PCDH11Y: variants seen among roughly 807,000 people sequenced by gnomAD.
PCDH11Y encodes the protein protocadherin 11 Y-linked.
For missense variants in PCDH11Y, 12 were observed against 224.8 expected, an observed-to-expected ratio of 0.05 and a Z score of 6.05; for synonymous variants, 9 against 83.6, an observed-to-expected ratio of 0.11 and a Z score of 4.87.
chrY:5,637,201 T>C (rs2124704533), intron 4 of PCDH11Y, among the ~76,000 whole-genome samples: 1 of 33,813 alleles, frequency 3.0e-5, no homozygotes, highest in African/African-American at 1.1e-4. Context: ...TGCTCTAAGA[T>C]GATAGATTAA....
chrY:5,179,008 TC>T (rs2052896817), intron 2 of PCDH11Y, among the ~76,000 whole-genome samples: 1 of 33,506 alleles, frequency 3.0e-5, no homozygotes, highest in South Asian at 6.7e-4. Context: ...GTACCACATT[TC>T]CTTTATCCAG....
intron 1 of PCDH11Y, among the ~76,000 whole-genome samples, chrY:5,082,182 T>C (rs2052721759): frequency 3.0e-5 from 1 of 33,619 alleles, no homozygotes; most frequent in Non-Finnish European, 7.4e-5. Context: ...TATTTATTTG[T>C]GTATGTTGAA....
intron 2 of PCDH11Y, among the ~76,000 whole-genome samples, chrY:5,139,730 A>G: frequency 4.6e-5 from 1 of 21,828 alleles, no homozygotes; most frequent in South Asian, 1.3e-3. Context: ...ACTACAAAAC[A>G]CTGCTGAAAG....
At chrY:5,585,420 T>G in intron 4 of PCDH11Y, among the ~76,000 whole-genome samples, 1 of 33,655 alleles carries the variant, frequency 3.0e-5, no homozygotes, top group Non-Finnish European at 7.4e-5. Context: ...TTTGCCACTT[T>G]TTAATGGAGT....
In PCDH11Y at chrY:5,414,002, G is replaced by T. The variant is rs2053250790; in HGVS notation, c.3130-87055G>T. On this transcript the variant is annotated intron_variant, in intron 2 of 4. Coordinates refer to the PCDH11Y transcript ENST00000400457. ...AATTTTCTCTTTTTTTCTTTATCTA[G>T]CTAGCAGTCTATCTGTCTTATTAAT... 1.5e-3 allele frequency among the ~76,000 whole-genome samples: 48 copies of T among 32,594 alleles called. No homozygotes were observed. The South Asian group carries it at 0.027, about 19-fold the overall frequency. The allele number at this position is 32,594 out of a possible 37,273, so 87.4% of individuals were successfully genotyped here. A position where few individuals can be genotyped will look rare whatever the true frequency, so the allele number is the denominator to read the frequency against.
chrY:5,264,072 A>G (rs2124658529), intron 2 of PCDH11Y, among the ~76,000 whole-genome samples: 1 of 31,904 alleles, frequency 3.1e-5, no homozygotes, highest in Non-Finnish European at 7.7e-5. Flanking sequence ...CCACCAGCCC[A>G]CAGGGATTTC....
chrY:5,162,348 A>C, intron 2 of PCDH11Y, among the ~76,000 whole-genome samples: 1 of 32,736 alleles, frequency 3.1e-5, no homozygotes, highest in Non-Finnish European at 7.5e-5. Context: ...AAATAACAAA[A>C]AGAAGGCCTG....
chrY:5,445,450 CTCTTCT>C (rs2053286807), intron 2 of PCDH11Y, among the ~76,000 whole-genome samples: 1 of 27,100 alleles, frequency 3.7e-5, no homozygotes, highest in African/African-American at 1.5e-4. Context: ...CTTCCTCTTC[CTCTTCT>C]TCTTCTTCTT....
intron 2 of PCDH11Y, among the ~76,000 whole-genome samples, chrY:5,426,149 G>T (rs2053263039): frequency 3.0e-5 from 1 of 33,164 alleles, no homozygotes; most frequent in Non-Finnish European, 7.5e-5. Context: ...AATAGAAGAG[G>T]ATAGTTTCTC....
intron 2 of PCDH11Y, among the ~76,000 whole-genome samples, chrY:5,114,358 G>A (rs2124639176): frequency 3.1e-5 from 1 of 31,807 alleles, no homozygotes; most frequent in African/African-American, 1.2e-4. Flanking sequence ...CCATAAATCT[G>A]CACAATTTAC....
At chrY:5,085,204 C>T in intron 1 of PCDH11Y, among the ~76,000 whole-genome samples, 1 of 32,759 alleles carries the variant, frequency 3.1e-5, no homozygotes, top group African/African-American at 1.2e-4. Flanking sequence ...TATTTTGAGG[C>T]TTGCAAATAC....
intron 2 of PCDH11Y, among the ~76,000 whole-genome samples, chrY:5,425,135 G>A (rs2124679905): frequency 1.2e-4 from 4 of 33,644 alleles, no homozygotes; most frequent in Admixed American, 2.8e-4. Context: ...TGTAGATTTC[G>A]TTTTCGTAAA....
intron 3 of PCDH11Y, among the ~76,000 whole-genome samples, chrY:5,533,053 G>C (rs2053396911): frequency 3.1e-5 from 1 of 31,877 alleles, no homozygotes; most frequent in African/African-American, 1.2e-4. Context: ...GGATGGTCTC[G>C]AACTCCTGAC....
intron 2 of PCDH11Y, among the ~76,000 whole-genome samples, chrY:5,163,763 CT>C (rs2052876689): frequency 3.0e-5 from 1 of 33,555 alleles, no homozygotes; most frequent in Admixed American, 2.7e-4. Context: ...CCTGTACAGC[CT>C]GCAGAACCAT....
At chrY:5,650,433 G>A in intron 4 of PCDH11Y, among the ~76,000 whole-genome samples, 1 of 33,178 alleles carries the variant, frequency 3.0e-5, no homozygotes, top group African/African-American at 1.2e-4. Context: ...AAACTCTGCA[G>A]TGTACCAAGA....
chrY:5,573,610 C>T, intron 3 of PCDH11Y: 4 of 280,147 alleles, frequency 1.4e-5, no homozygotes, highest in Non-Finnish European at 1.7e-5. Context: ...ATTGACAATG[C>T]CCGTCTTGCT....
chrY:5,096,438 CGTGTGTGT>C (rs367616063), intron 1 of PCDH11Y, among the ~76,000 whole-genome samples: 5 of 19,781 alleles, frequency 2.5e-4, no homozygotes, highest in Non-Finnish European at 5.8e-4. Flanking sequence ...TTTAGATGTA[CGTGTGTGT>C]GTGTGTGTGT....
At chrY:5,534,021 AT>A (rs1242156878) in intron 3 of PCDH11Y, among the ~76,000 whole-genome samples, 1 of 31,306 alleles carries the variant, frequency 3.2e-5, no homozygotes, top group Non-Finnish European at 7.8e-5. Flanking sequence ...ATTTCTTCAC[AT>A]TTTTTTTTAT....
chrY:5,738,814 G>A, exon 5 of PCDH11Y: 2 of 30,843 alleles, frequency 6.5e-5, no homozygotes, highest in Admixed American at 3.0e-4. Flanking sequence ...GAATTTGTAT[G>A]TAACAGCCTA....
Sources: allele counts gnomAD v4.1 joint callset (sites outside exome capture counted in the v4.1 genomes callset), GRCh38; gene constraint gnomAD v4.1.1; transcripts MANE v1.5; gene names NCBI Gene and HGNC (gene_info 2026-07-23, HGNC 2026-07-21).